PLAAT1: variants seen among roughly 807,000 people sequenced by gnomAD.
PLAAT1 encodes H-REV107 protein-related protein.
Under a neutral mutation model 16.4 loss-of-function variants are expected in PLAAT1, and 13 were observed. The observed-to-expected ratio is 0.79, with a 90% CI of 0.52 to 1.26. The LOEUF is 1.26. Ranked by LOEUF, PLAAT1 falls within the 50% of genes most tolerant of loss-of-function variation. The pLI is 0.00. For missense variants in PLAAT1, 218 were observed against 207.8 expected, an observed-to-expected ratio of 1.05 and a Z score of -0.30; for synonymous variants, 73 against 78.4, an observed-to-expected ratio of 0.93 and a Z score of 0.36.
chr3:193,259,149 A>AT (rs1156231198), intron 2 of PLAAT1, among the ~76,000 whole-genome samples: 1 of 152,212 alleles, frequency 6.6e-6, no homozygotes, highest in Non-Finnish European at 1.5e-5. Context: ...ACCAAAAACC[A>AT]TATGATCATC....
At chr3:193,272,175 G>A (rs1261638830), downstream of PLAAT1, among the ~76,000 whole-genome samples, 1 of 152,098 alleles carries the variant, frequency 6.6e-6, no homozygotes, top group Non-Finnish European at 1.5e-5. Flanking sequence ...CAGGTGCGGT[G>A]GCTCACACCT....
intron 3 of PLAAT1, among the ~76,000 whole-genome samples, chr3:193,267,086 A>G (rs1716805315): frequency 6.6e-6 from 1 of 152,154 alleles, no homozygotes. Context: ...GCTTCATAGC[A>G]AAATTAAGCT....
chr3:193,249,955 A>G (rs1272491510), intron 1 of PLAAT1, among the ~76,000 whole-genome samples: 1 of 152,162 alleles, frequency 6.6e-6, no homozygotes, highest in Admixed American at 6.5e-5. Context: ...CCTGTCAGAT[A>G]AATCACATAT....
In PLAAT1 at chr3:193,241,682, A is replaced by G. The variant is rs73072861; in HGVS notation, c.-1+149A>G. 3,641 of 511,366 alleles carry G rather than the reference A, an allele frequency of 7.1e-3. 103 individuals carry two copies. The highest frequency in any genetic ancestry group is 0.065 in the African/African-American group (3,305 of 50,638). The allele number at this position is 511,366 out of a possible 1,614,324, so 31.7% of individuals were successfully genotyped here. On this transcript the variant is annotated intron_variant, in intron 1 of 3. Transcript: ENST00000264735. ...TTTCACAGACTGGGGAACTCAGTCC[A>G]CAGGGCAAGAGACTTTCTTCCCTAG...
chr3:193,268,167 A>T (rs1716843334), intron 3 of PLAAT1, among the ~76,000 whole-genome samples: 1 of 152,200 alleles, frequency 6.6e-6, no homozygotes, highest in African/African-American at 2.4e-5. Context: ...TTCTAAGAAC[A>T]TACTTTACTC....
intron 1 of PLAAT1, among the ~76,000 whole-genome samples, chr3:193,244,578 GTTATAACAGAT>G (rs552694788): frequency 6.3e-4 from 95 of 151,330 alleles, no homozygotes; most frequent in Non-Finnish European, 1.1e-3. Context: ...TTCATTTTCT[GTTATAACAGAT>G]TTATAACAGA....
At chr3:193,280,397 G>C (rs1467492048), downstream of PLAAT1, among the ~76,000 whole-genome samples, 1 of 152,100 alleles carries the variant, frequency 6.6e-6, no homozygotes, top group African/African-American at 2.4e-5. Context: ...TCTTCAAAGA[G>C]TAATACTCCC....
intron 2 of PLAAT1, among the ~76,000 whole-genome samples, chr3:193,258,896 C>T (rs1478708011): frequency 6.6e-6 from 1 of 152,110 alleles, no homozygotes; most frequent in Non-Finnish European, 1.5e-5. Context: ...TCCTTCCTAA[C>T]TCATTCTATG....
chr3:193,249,601 C>T (rs886290895), intron 1 of PLAAT1, among the ~76,000 whole-genome samples: 1 of 152,132 alleles, frequency 6.6e-6, no homozygotes, highest in Non-Finnish European at 1.5e-5. Context: ...CTGTCCCTTT[C>T]TCTCTTCCCT....
At chr3:193,281,164 G>C (rs1368756778), downstream of PLAAT1, 6 of 985,052 alleles carry the variant, frequency 6.1e-6, no homozygotes, top group Non-Finnish European at 7.2e-6. Context: ...TCAGGAAATA[G>C]CTGTGTGGAT....
rs138370759 is a variant in PLAAT1 at position 193,250,000 on chromosome 3, A to G, written c.1-5651A>G. Among the ~76,000 whole-genome samples the G allele has an allele frequency of 5.0e-3, 754 of 152,074 alleles. 7 individuals are homozygous for G. Among genetic ancestry groups the G allele is most frequent in the African/African-American group, 0.017 (719 of 41,494 alleles). On this transcript the variant is annotated intron_variant, in intron 1 of 3. Coordinates refer to ENST00000264735, the MANE Select transcript of PLAAT1 (RefSeq NM_020386.5). Reference sequence around the variant, plus strand: ...ATTAGAGTCACTTTCTGGAGATTTAATTTATCTTGTTATTTTATTTGGAAC... The same window carrying G: ...ATTAGAGTCACTTTCTGGAGATTTAGTTTATCTTGTTATTTTATTTGGAAC...
intron 1 of PLAAT1, among the ~76,000 whole-genome samples, chr3:193,251,523 T>C (rs1211713069): frequency 6.6e-6 from 1 of 152,168 alleles, no homozygotes; most frequent in Non-Finnish European, 1.5e-5. Context: ...ACTTTGTTTT[T>C]CGTGCTTGAG....
chr3:193,255,890 A>G (rs1716356612), intron 2 of PLAAT1, 101 bp downstream of exon 2: 4 of 1,110,310 alleles, frequency 3.6e-6, no homozygotes, highest in African/African-American at 1.6e-5. Context: ...ATCGAAATAA[A>G]ATATAGAAAG....
chr3:193,251,975 T>C (rs1323213725), intron 1 of PLAAT1, among the ~76,000 whole-genome samples: 1 of 152,196 alleles, frequency 6.6e-6, no homozygotes, highest in Non-Finnish European at 1.5e-5. Context: ...CATCTATGTA[T>C]TTTCTTTGGT....
intron 1 of PLAAT1, among the ~76,000 whole-genome samples, chr3:193,243,280 A>G (rs1715848634): frequency 6.6e-6 from 1 of 152,226 alleles, no homozygotes; most frequent in Admixed American, 6.5e-5. Context: ...ATACTTATGA[A>G]GCACTGCATT....
exon 3 of PLAAT1, chr3:193,277,712 AG>A (rs1231071875): frequency 6.6e-6 from 1 of 152,266 alleles, no homozygotes; most frequent in Admixed American, 6.5e-5. Flanking sequence ...TGTTTGGAAA[AG>A]CTGGGTCAGA....
chr3:193,250,249 C>T (rs752689920), intron 1 of PLAAT1, among the ~76,000 whole-genome samples: 10 of 152,078 alleles, frequency 6.6e-5, no homozygotes, highest in Non-Finnish European at 1.3e-4. Flanking sequence ...ATTAAAGTTT[C>T]AAGTCATTGC....
downstream of PLAAT1, chr3:193,275,033 C>T (rs370318256): frequency 5.6e-6 from 9 of 1,613,746 alleles, no homozygotes; most frequent in African/African-American, 1.1e-4. Context: ...TGTACGACGA[C>T]AATTCTGATT....
At chr3:193,257,877 G>T (rs1171252930) in intron 2 of PLAAT1, among the ~76,000 whole-genome samples, 1 of 152,172 alleles carries the variant, frequency 6.6e-6, no homozygotes, top group African/African-American at 2.4e-5. Flanking sequence ...GATGCTTCCT[G>T]CCCTTGAACA....
Sources: allele counts gnomAD v4.1 joint callset (sites outside exome capture counted in the v4.1 genomes callset), GRCh38; gene constraint gnomAD v4.1.1; transcripts MANE v1.5; gene names NCBI Gene and HGNC (gene_info 2026-07-23, HGNC 2026-07-21).